Variants in FBXO25 observed in about 807,000 individuals in gnomAD.
FBXO25 encodes the protein F-box only protein 25.
In FBXO25, 45 loss-of-function variants were observed where a neutral mutation model predicts 51.9. The ratio of observed to expected loss-of-function variants is 0.87; its 90% CI spans 0.68 to 1.11. The LOEUF (loss-of-function observed/expected upper bound fraction) is 1.11, where lower values mean the gene tolerates loss of function less well. FBXO25 is among the 50% of genes most tolerant of loss of function. FBXO25 has a pLI of 0.00. For synonymous variants in FBXO25, 199 were observed against 151.0 expected (o/e 1.32, Z -2.33); for missense variants, 507 against 428.5 (o/e 1.18, Z -1.62).
intron 4 of FBXO25, among the ~76,000 whole-genome samples, chr8:433,531 G>A (rs919225395): frequency 6.6e-6 from 1 of 152,140 alleles, no homozygotes; most frequent in Non-Finnish European, 1.5e-5. Flanking sequence ...GTGCAGAGCT[G>A]TGTGAACTCT....
At chr8:429,585 T>C (rs1246316632) in intron 2 of FBXO25, among the ~76,000 whole-genome samples, 2 of 152,246 alleles carry the variant, frequency 1.3e-5, no homozygotes, top group Non-Finnish European at 2.9e-5. Context: ...GAATTTAAAT[T>C]TCAGAAGCAT....
chr8:457,789 T>C (rs1298804971), intron 7 of FBXO25, among the ~76,000 whole-genome samples: 5 of 152,146 alleles, frequency 3.3e-5, no homozygotes, highest in African/African-American at 4.8e-5. Context: ...ATGCTGCCAA[T>C]GTAGACAGAT....
chr8:473,429 T>G lies in FBXO25; in HGVS notation c.*4625T>G, dbSNP rs1800545948. The G allele has an allele frequency of 6.6e-6, 1 of 152,310 alleles. No homozygotes were observed. Among genetic ancestry groups the G allele is most frequent in the African/African-American group, 2.4e-5 (1 of 41,456 alleles). The allele number at this position is 152,310 out of a possible 1,614,324, so 9.4% of individuals were successfully genotyped here. ...GCTGCTGCCATTCTCGCCCTCAGCA[T>G]CTGTGAGATGAAGGAGTTGCTCCCC... On this transcript the variant is annotated 3_prime_UTR_variant, in exon 10 of 10. Coordinates refer to ENST00000350302, the MANE Select transcript of FBXO25 (RefSeq NM_183420.2).
At chr8:458,803 C>T (rs1242210402) in intron 8 of FBXO25, among the ~76,000 whole-genome samples, 1 of 152,174 alleles carries the variant, frequency 6.6e-6, no homozygotes. Context: ...GAACTGAGTT[C>T]TTTTCTCTCC....
At chr8:453,929 G>T (rs551004995) in intron 7 of FBXO25, among the ~76,000 whole-genome samples, 1 of 152,078 alleles carries the variant, frequency 6.6e-6, no homozygotes, top group East Asian at 1.9e-4. Flanking sequence ...TTCGAGACCA[G>T]CCTGGCCAGC....
chr8:469,843 TA>T lies in FBXO25; in HGVS notation c.*1041del, dbSNP rs1800419902. The T allele has an allele frequency of 6.6e-6, 1 of 152,088 alleles. No homozygotes were observed. The highest frequency in any genetic ancestry group is 2.4e-5 in the African/African-American group (1 of 41,414). The allele number at this position is 152,088 out of a possible 1,614,324, so 9.4% of individuals were successfully genotyped here. A position where few individuals can be genotyped will look rare whatever the true frequency, so the allele number is the denominator to read the frequency against. On this transcript the variant is annotated 3_prime_UTR_variant, in exon 10 of 10. Coordinates refer to ENST00000350302, the MANE Select transcript of FBXO25 (RefSeq NM_183420.2). Reference sequence around the variant, plus strand: ...TCATTTCTACTTTTTCCTTTAAGCATAATAATAAAAGTATACTTTTATGGCG... The same window carrying T: ...TCATTTCTACTTTTTCCTTTAAGCATATAATAAAAGTATACTTTTATGGCG...
At chr8:447,063 C>G (rs1028724210) in intron 5 of FBXO25, among the ~76,000 whole-genome samples, 2 of 152,200 alleles carry the variant, frequency 1.3e-5, no homozygotes, top group Non-Finnish European at 2.9e-5. Context: ...CTTAGGCTAA[C>G]AAAAGCACTC....
At chr8:466,120 C>A (rs148432065) in intron 9 of FBXO25, among the ~76,000 whole-genome samples, 3 of 152,168 alleles carry the variant, frequency 2.0e-5, no homozygotes, top group African/African-American at 7.2e-5. Flanking sequence ...AGGCAGTCCA[C>A]GTTTTTAGTT....
intron 5 of FBXO25, among the ~76,000 whole-genome samples, chr8:445,635 C>T (rs1261359525): frequency 6.6e-6 from 1 of 152,202 alleles, no homozygotes; most frequent in Non-Finnish European, 1.5e-5. Context: ...GGCGGATCAC[C>T]TGAGATCAGG....
At chr8:410,953 A>T (rs1331234625) in intron 1 of FBXO25, among the ~76,000 whole-genome samples, 2 of 152,154 alleles carry the variant, frequency 1.3e-5, no homozygotes, top group Non-Finnish European at 2.9e-5. Context: ...GTTGAAGTCT[A>T]TGTAATTTCC....
chr8:451,280 C>A lies in FBXO25; in HGVS notation c.487C>A (p.His163Asn). 1.3e-6 allele frequency: 2 copies of A among 1,596,630 alleles called. No individual in the cohort carries two copies. Among genetic ancestry groups the A allele is most frequent in the South Asian group, 1.1e-5 (1 of 87,602 alleles). Reference protein sequence around the residue: ...DKIVQKVLDDHHNPRLIKDLL... With the variant: ...DKIVQKVLDDNHNPRLIKDLL... ...TTTATTTATTCCAGTTCTTGATGAC[C>A]ACCACAATCCTCGCTTAATCAAAGA... is the stretch of plus-strand genomic sequence containing the variant. The change falls in exon 7 of 10, where the codon CAC becomes AAC. Residue 163 changes from histidine (H) to asparagine (N), a missense_variant. Coordinates refer to ENST00000350302, the MANE Select transcript of FBXO25 (RefSeq NM_183420.2).
intron 2 of FBXO25, among the ~76,000 whole-genome samples, chr8:417,347 A>G (rs1796869606): frequency 6.6e-6 from 1 of 152,220 alleles, no homozygotes; most frequent in Non-Finnish European, 1.5e-5. Flanking sequence ...CAAGTGGACC[A>G]GTTCTTAAGA....
intron 5 of FBXO25, among the ~76,000 whole-genome samples, chr8:448,924 G>A (rs1798901540): frequency 6.6e-6 from 1 of 152,148 alleles, no homozygotes; most frequent in Non-Finnish European, 1.5e-5. Flanking sequence ...GTAACCCCTA[G>A]TACAAAATAG....
rs1484913508 is a variant in FBXO25 at position 477,296 on chromosome 8, G to C, written c.*8492G>C. ...GTCCAGCTGGTATGATGCTGTTCAA[G>C]TTCTGTCTTGCGACTGATCTTCTGT... On this transcript the variant is annotated 3_prime_UTR_variant, in exon 10 of 10. Coordinates refer to ENST00000350302, the MANE Select transcript of FBXO25 (RefSeq NM_183420.2). 1 of 152,236 alleles carries C rather than the reference G, an allele frequency of 6.6e-6. No individual in the cohort carries two copies. Among genetic ancestry groups the C allele is most frequent in the Non-Finnish European group, 1.5e-5 (1 of 68,068 alleles). The allele number at this position is 152,236 out of a possible 1,614,324, so 9.4% of individuals were successfully genotyped here.
At chr8:441,575 G>A (rs565734085) in intron 5 of FBXO25, among the ~76,000 whole-genome samples, 1 of 152,260 alleles carries the variant, frequency 6.6e-6, no homozygotes, top group Admixed American at 6.5e-5. Flanking sequence ...TCACAGCGAA[G>A]AGGCAACCTA....
chr8:433,161 C>T (rs1040416615), intron 4 of FBXO25, among the ~76,000 whole-genome samples: 26 of 152,124 alleles, frequency 1.7e-4, no homozygotes, highest in African/African-American at 5.3e-4. Flanking sequence ...TGTATTTGTG[C>T]ACACATTTGT....
chr8:456,646 T>A lies in FBXO25; in HGVS notation c.661-1723T>A, dbSNP rs534664068. Among the ~76,000 whole-genome samples the A allele has an allele frequency of 2.5e-3, 388 of 152,280 alleles. 3 individuals are homozygous for A. The highest frequency in any genetic ancestry group is 4.1e-3 in the Non-Finnish European group (276 of 68,022). On this transcript the variant is annotated intron_variant, in intron 7 of 9. Coordinates refer to ENST00000350302, the MANE Select transcript of FBXO25 (RefSeq NM_183420.2). ...AGGGCAGGACAGCACACTAGTGCAG[T>A]CCATGAAAGCTTCATGTCCAGAATG... is the stretch of plus-strand genomic sequence containing the variant.
At chr8:452,507 C>T (rs545015328) in intron 7 of FBXO25, among the ~76,000 whole-genome samples, 7 of 152,290 alleles carry the variant, frequency 4.6e-5, no homozygotes, top group South Asian at 4.1e-4. Context: ...ACATGAGTGG[C>T]GAGGCCACAT....
intron 8 of FBXO25, among the ~76,000 whole-genome samples, chr8:461,642 C>G (rs918720551): frequency 6.6e-6 from 1 of 152,022 alleles, no homozygotes; most frequent in Non-Finnish European, 1.5e-5. Context: ...TCAGGAAAAA[C>G]AAAACAAAAC....
Sources: gnomAD v4.1 joint callset for allele counts (sites outside exome capture counted in the v4.1 genomes callset) on GRCh38, gnomAD v4.1.1 for gene constraint, MANE v1.5 for transcripts, NCBI Gene and HGNC (gene_info 2026-07-23, HGNC 2026-07-21) for gene names.